CAPN14: variants seen among roughly 807,000 people sequenced by gnomAD.
CAPN14 encodes calpain-14.
A neutral mutation model predicts 101.3 loss-of-function variants in CAPN14; 94 were observed. That is an observed-to-expected ratio of 0.93 (90% confidence interval 0.79 to 1.10). The LOEUF (loss-of-function observed/expected upper bound fraction) is 1.10. Among genes scored for constraint, CAPN14 ranks in the 50% least tolerant of loss-of-function variants. The pLI, the probability that CAPN14 is intolerant of heterozygous loss-of-function variation, is 0.00. For synonymous variants in CAPN14, 338 were observed against 317.9 expected, an observed-to-expected ratio of 1.06 and a Z score of -0.67; for missense variants, 837 against 828.4, an observed-to-expected ratio of 1.01 and a Z score of -0.13.
chr2:31,174,608 G>T lies in CAPN14; in HGVS notation c.*73C>A. ...AGATCAGTAAGTAGGGTGGGCATGGGTTGGTCTCAGCCAAAGGCTGCTCTT... is the reference window on the plus strand; with the variant it reads ...AGATCAGTAAGTAGGGTGGGCATGGTTTGGTCTCAGCCAAAGGCTGCTCTT... On this transcript the variant is annotated 3_prime_UTR_variant, in exon 22 of 22. Transcript: ENST00000403897. 6.7e-7 allele frequency: 1 copy of T among 1,487,124 alleles called. No homozygotes were observed. Among genetic ancestry groups the T allele is most frequent in the Non-Finnish European group, 9.2e-7 (1 of 1,089,540 alleles). 92.1% of individuals were successfully genotyped at this position (1,487,124 alleles called of 1,614,324 possible).
intron 11 of CAPN14, 21 bp from the exon 12 acceptor site, chr2:31,191,428 C>CAAAAAAAAAAAAA (rs768991420): frequency 2.1e-6 from 3 of 1,426,096 alleles, no homozygotes; most frequent in East Asian, 2.6e-5. Context: ...AAAACAAAAA[C>CAAAAAAAAAAAAA]AGAAAAAAAA....
chr2:31,202,086 CT>C, intron 4 of CAPN14, 47 bp downstream of exon 4: 1 of 1,550,308 alleles, frequency 6.5e-7, no homozygotes. Context: ...TCCAGGAACC[CT>C]TTTTCCTATG....
rs1373986586 is a variant in CAPN14, at chr2:31,233,143, C to T, written c.-177+648G>A. Reference sequence around the variant, plus strand: ...AAAGCAATGTTCACTGAGAACTTAGCCCAGGCCCCTGCACATGCTGAGCAT... The same window carrying T: ...AAAGCAATGTTCACTGAGAACTTAGTCCAGGCCCCTGCACATGCTGAGCAT... On this transcript the variant is annotated intron_variant and NMD_transcript_variant, in intron 1 of 21. Transcript: ENST00000398824. Among the ~76,000 whole-genome samples the T allele has an allele frequency of 2.6e-5, 4 of 152,168 alleles. No individual in the cohort carries two copies. The South Asian group carries it at 6.2e-4, about 24-fold the overall frequency.
intron 9 of CAPN14, among the ~76,000 whole-genome samples, chr2:31,193,807 C>G (rs1174284360): frequency 1.3e-5 from 2 of 152,172 alleles, no homozygotes; most frequent in Admixed American, 6.5e-5. Flanking sequence ...AGTGAAAGAC[C>G]TTCCAAAGGG....
chr2:31,223,542 C>CTTTTTTTTTT (rs35488335), intron 2 of CAPN14, among the ~76,000 whole-genome samples: 1 of 132,078 alleles, frequency 7.6e-6, no homozygotes. Flanking sequence ...TTTTTCTTTT[C>CTTTTTTTTTT]TTTTTTTTTT....
chr2:31,189,264 T>A lies in CAPN14; in HGVS notation c.1493+9A>T. On this transcript the variant is annotated intron_variant, in intron 13 of 21. Transcript: ENST00000403897. ...TCCCCACCCTCTAGGAGAGACCTTGTGTCCTTACTAAAAGATGTGCTTCCT... is the reference window on the plus strand; with the variant it reads ...TCCCCACCCTCTAGGAGAGACCTTGAGTCCTTACTAAAAGATGTGCTTCCT... The A allele has an allele frequency of 1.3e-6, 2 of 1,550,436 alleles. No individual in the cohort carries two copies. Among genetic ancestry groups the A allele is most frequent in the Non-Finnish European group, 1.7e-6 (2 of 1,146,826 alleles).
intron 21 of CAPN14, among the ~76,000 whole-genome samples, chr2:31,175,613 T>C (rs1177126949): frequency 6.6e-6 from 1 of 152,220 alleles, no homozygotes; most frequent in Non-Finnish European, 1.5e-5. Context: ...GGCTAAGCAG[T>C]CCAGGGATAG....
intron 3 of CAPN14, 75 bp from the exon 4 acceptor site, chr2:31,202,327 T>C (rs568154834): frequency 1.8e-6 from 2 of 1,106,102 alleles, no homozygotes; most frequent in African/African-American, 3.1e-5. Flanking sequence ...CCGGTCCCAA[T>C]GGCCACCCTC....
rs1449385823 is a variant in CAPN14 at position 31,217,510 on chromosome 2, A to T, written c.-107T>A. On this transcript the variant is annotated 5_prime_UTR_variant, in exon 1 of 22. Coordinates refer to ENST00000403897, the MANE Select transcript of CAPN14 (RefSeq NM_001145122.2). ...CCTGGGCAAGCTCTAATCCCGGTGCAGTCAGAAGCATGCAGCCTGAAACCA... is the reference window on the plus strand; with the variant it reads ...CCTGGGCAAGCTCTAATCCCGGTGCTGTCAGAAGCATGCAGCCTGAAACCA... 6.6e-6 allele frequency: 1 copy of T among 152,186 alleles called. No homozygotes were observed. The highest frequency in any genetic ancestry group is 1.5e-5 in the Non-Finnish European group (1 of 68,036). The allele number at this position is 152,186 out of a possible 1,614,324, so 9.4% of individuals were successfully genotyped here. A position where few individuals can be genotyped will look rare whatever the true frequency, so the allele number is the denominator to read the frequency against.
intron 2 of CAPN14, among the ~76,000 whole-genome samples, chr2:31,224,437 A>C (rs1286416288): frequency 6.6e-6 from 1 of 152,186 alleles, no homozygotes; most frequent in East Asian, 1.9e-4. Context: ...GCCCAAGCCA[A>C]GGGGTGAAGA....
intron 1 of CAPN14, among the ~76,000 whole-genome samples, chr2:31,215,570 C>A (rs936311651): frequency 6.6e-6 from 1 of 152,262 alleles, no homozygotes; most frequent in Non-Finnish European, 1.5e-5. Context: ...CTCCCTCATC[C>A]TTCAAAGCTC....
At chr2:31,182,932 A>C (rs888708334) in intron 16 of CAPN14, among the ~76,000 whole-genome samples, 4 of 151,868 alleles carry the variant, frequency 2.6e-5, no homozygotes, top group African/African-American at 4.8e-5. Context: ...CTGACTTCAA[A>C]CTATACTACA....
intron 21 of CAPN14, among the ~76,000 whole-genome samples, chr2:31,175,460 T>C (rs1680242773): frequency 6.6e-6 from 1 of 152,226 alleles, no homozygotes; most frequent in Admixed American, 6.5e-5. Context: ...CTGTGATAGC[T>C]CTTTGCCCAC....
intron 20 of CAPN14, 139 bp downstream of exon 20, chr2:31,176,887 G>T: frequency 1.4e-6 from 1 of 712,154 alleles, no homozygotes; most frequent in Non-Finnish European, 2.4e-6. Flanking sequence ...CAGGCACTTG[G>T]CTGGAGGTCC....
chr2:31,216,585 C>T, intron 1 of CAPN14, among the ~76,000 whole-genome samples: 1 of 152,098 alleles, frequency 6.6e-6, no homozygotes. Context: ...CCTAACTCAT[C>T]CAAGAATTCT....
chr2:31,179,907 G>T (rs1198997247), intron 17 of CAPN14, among the ~76,000 whole-genome samples: 1 of 152,052 alleles, frequency 6.6e-6, no homozygotes, highest in Non-Finnish European at 1.5e-5. Flanking sequence ...ATTTTGACAT[G>T]GCCAATTTGA....
At position 31,200,096 on chromosome 2, in the gene CAPN14, C is replaced by T. The variant is rs533747150; in HGVS notation, c.726+355G>A. ...TCGGGTTACTGCAACCTCCGCCTCC[C>T]GGGTTTTAGTGATTCTCCTGCCTCA... On this transcript the variant is annotated intron_variant, in intron 6 of 21. Coordinates refer to ENST00000403897, the MANE Select transcript of CAPN14 (RefSeq NM_001145122.2). Among the ~76,000 whole-genome samples, 6 of 151,298 alleles carry T rather than the reference C, an allele frequency of 4.0e-5. No individual in the cohort carries two copies. In the South Asian group the frequency reaches 6.3e-4, roughly 16 times the overall value.
chr2:31,191,539 G>A (rs905976164), intron 11 of CAPN14, 132 bp from the exon 12 acceptor site: 15 of 818,962 alleles, frequency 1.8e-5, no homozygotes, highest in South Asian at 9.0e-5. Context: ...CCCAGAAGCC[G>A]TGTCCCCTCC....
chr2:31,205,955 C>G (rs1301873241), intron 1 of CAPN14, among the ~76,000 whole-genome samples: 1 of 152,026 alleles, frequency 6.6e-6, no homozygotes, highest in Non-Finnish European at 1.5e-5. Flanking sequence ...TACAGACACA[C>G]AGCATTCCTC....
Sources: allele counts gnomAD v4.1 joint callset (sites outside exome capture counted in the v4.1 genomes callset), GRCh38; gene constraint gnomAD v4.1.1; transcripts MANE v1.5; gene names NCBI Gene and HGNC (gene_info 2026-07-23, HGNC 2026-07-21).